DLC1: variants seen among roughly 807,000 people sequenced by gnomAD.
DLC1 encodes the protein DLC1 Rho GTPase activating protein.
In DLC1, 54 loss-of-function variants were observed where a neutral mutation model predicts 140.3. That is an observed-to-expected ratio of 0.38 (90% CI 0.31 to 0.48). The LOEUF (loss-of-function observed/expected upper bound fraction) is 0.48, where lower values mean the gene tolerates loss of function less well. Ranked by LOEUF, DLC1 falls within the 20% of genes least tolerant of loss-of-function variation. DLC1 has a pLI of 0.96. For missense variants in DLC1, 2,536 were observed against 1,907.0 expected (o/e 1.33, Z -6.14); for synonymous variants, 986 against 728.1 (o/e 1.35, Z -5.70).
intron 5 of DLC1, among the ~76,000 whole-genome samples, chr8:13,196,703 G>A (rs535607169): frequency 1.3e-5 from 2 of 152,230 alleles, no homozygotes; most frequent in South Asian, 2.1e-4. Context: ...ATTATCCTTC[G>A]GGGCTAAGAG....
intron 2 of DLC1, among the ~76,000 whole-genome samples, chr8:13,403,371 C>T (rs1585047914): frequency 1.3e-5 from 2 of 152,282 alleles, no homozygotes; most frequent in African/African-American, 4.8e-5. Flanking sequence ...GTGCTTATAA[C>T]TTATTTAGGT....
At chr8:13,580,430 C>T (rs1805053449) in intron 1 of DLC1, among the ~76,000 whole-genome samples, 1 of 152,154 alleles carries the variant, frequency 6.6e-6, no homozygotes, top group South Asian at 2.1e-4. Flanking sequence ...AGGTTGGTTA[C>T]ATTTTTAACC....
chr8:13,143,811 GCT>G (rs1823201270), intron 5 of DLC1, among the ~76,000 whole-genome samples: 2 of 69,934 alleles, frequency 2.9e-5, no homozygotes, highest in Non-Finnish European at 5.8e-5. Context: ...CAAATGAAAA[GCT>G]GAGAGAGAGA....
rs1306201736 is a variant in DLC1 at position 13,440,342 on chromosome 8, A to G, written c.1024-38723T>C. Reference sequence around the variant, plus strand: ...ACCAAGTTTCACAAATGCTACTAATACAAGCTGCTTTTATTATTATTATTT... The same window carrying G: ...ACCAAGTTTCACAAATGCTACTAATGCAAGCTGCTTTTATTATTATTATTT... On this transcript the variant is annotated intron_variant, in intron 2 of 17. Coordinates refer to ENST00000276297, the MANE Select transcript of DLC1 (RefSeq NM_182643.3). Among the ~76,000 whole-genome samples, 14 of 152,178 alleles carry G rather than the reference A, an allele frequency of 9.2e-5. 1 individual carries two copies. Among genetic ancestry groups the G allele is most frequent in the Non-Finnish European group, 1.8e-4 (12 of 68,034 alleles).
intron 2 of DLC1, among the ~76,000 whole-genome samples, chr8:13,405,219 T>TG (rs924479773): frequency 1.2e-4 from 19 of 152,138 alleles, no homozygotes; most frequent in African/African-American, 4.6e-4. Flanking sequence ...TGCTGAGGTC[T>TG]GGGGTATGAC....
intron 2 of DLC1, among the ~76,000 whole-genome samples, chr8:13,417,734 G>C (rs187022918): frequency 2.6e-5 from 4 of 152,126 alleles, no homozygotes; most frequent in Non-Finnish European, 5.9e-5. Context: ...CCAGTAATGG[G>C]ATGGCTGGGT....
intron 2 of DLC1, among the ~76,000 whole-genome samples, chr8:13,496,264 C>T (rs1053138520): frequency 3.9e-5 from 6 of 152,150 alleles, no homozygotes; most frequent in African/African-American, 1.4e-4. Context: ...AATATTTGTT[C>T]ATAATTTATA....
intron 5 of DLC1, chr8:13,276,586 GC>G: frequency 1.6e-6 from 2 of 1,264,566 alleles, no homozygotes; most frequent in Non-Finnish European, 2.0e-6. Flanking sequence ...GCGCGCGGCG[GC>G]CACATCTGGA....
intron 5 of DLC1, among the ~76,000 whole-genome samples, chr8:13,159,783 G>A (rs1383382578): frequency 6.6e-6 from 1 of 151,622 alleles, no homozygotes; most frequent in African/African-American, 2.4e-5. Context: ...CAGGGAGTGT[G>A]TGAATCTGAA....
At chr8:13,318,341 A>G (rs372815432) in intron 4 of DLC1, among the ~76,000 whole-genome samples, 5 of 152,184 alleles carry the variant, frequency 3.3e-5, no homozygotes, top group African/African-American at 1.2e-4. Flanking sequence ...GCCAACTAAT[A>G]TAATCTTAAT....
chr8:13,416,962 C>T (rs766428094), intron 2 of DLC1, among the ~76,000 whole-genome samples: 1 of 151,966 alleles, frequency 6.6e-6, no homozygotes, highest in Admixed American at 6.6e-5. Flanking sequence ...TGTTAAAGTA[C>T]TCGTATTGTG....
intron 5 of DLC1, chr8:13,133,040 CG>C: frequency 3.8e-6 from 6 of 1,577,072 alleles, no homozygotes; most frequent in Non-Finnish European, 5.2e-6. Context: ...GGAGGCGGCT[CG>C]GCTTCCGCGT....
intron 5 of DLC1, among the ~76,000 whole-genome samples, chr8:13,247,624 C>G (rs1333609537): frequency 6.6e-6 from 1 of 152,178 alleles, no homozygotes; most frequent in Non-Finnish European, 1.5e-5. Context: ...GGTTTATCTC[C>G]AAGATCCATG....
chr8:13,093,582 A>G (rs76989247), intron 12 of DLC1, among the ~76,000 whole-genome samples: 2,468 of 152,342 alleles, frequency 0.016, 66 homozygotes, highest in African/African-American at 0.056. Context: ...ATAACTCTTT[A>G]AAAGAGCATG....
chr8:13,464,766 T>TTA (rs1299837929), intron 2 of DLC1, among the ~76,000 whole-genome samples: 74 of 7,546 alleles, frequency 9.8e-3, no homozygotes, highest in African/African-American at 0.029. Context: ...ATATATATAT[T>TTA]TATATATATA....
At chr8:13,431,660 A>T (rs1258843089) in intron 2 of DLC1, among the ~76,000 whole-genome samples, 1 of 151,280 alleles carries the variant, frequency 6.6e-6, no homozygotes, top group East Asian at 1.9e-4. Flanking sequence ...TTTAGAAAGA[A>T]TGTTCTGAGA....
chr8:13,115,809 GT>G, intron 5 of DLC1, 152 bp from the exon 6 acceptor site: 1 of 699,590 alleles, frequency 1.4e-6, no homozygotes, highest in Non-Finnish European at 2.4e-6. Context: ...AATTCGAATG[GT>G]TTACATTTTG....
rs564908140 is a variant in DLC1 at position 13,540,701 on chromosome 8, A to C, written c.-125-40505T>G. ...GGCACTAATTATTTCTGAGATTAGT[A>C]ATGAGGCTGTGAAGACAAGAGAAAA... On this transcript the variant is annotated intron_variant, in intron 1 of 1. Coordinates refer to the DLC1 transcript ENST00000631382. Among the ~76,000 whole-genome samples, 18 of 152,338 alleles carry C rather than the reference A, an allele frequency of 1.2e-4. 1 individual carries two copies. The South Asian group carries it at 1.4e-3, about 12-fold the overall frequency.
At chr8:13,297,718 G>C (rs1451482645) in intron 5 of DLC1, among the ~76,000 whole-genome samples, 1 of 152,150 alleles carries the variant, frequency 6.6e-6, no homozygotes, top group South Asian at 2.1e-4. Flanking sequence ...GTCTGAAATA[G>C]AGCAGTCCTG....
Sources: allele counts gnomAD v4.1 joint callset (sites outside exome capture counted in the v4.1 genomes callset), GRCh38; gene constraint gnomAD v4.1.1; transcripts MANE v1.5; gene names NCBI Gene and HGNC (gene_info 2026-07-23, HGNC 2026-07-21).